Variants in KBTBD11 observed in about 807,000 individuals in gnomAD.
KBTBD11 encodes kelch repeat and BTB domain-containing protein 11.
For missense variants in KBTBD11, 1,390 were observed against 1,001.8 expected (o/e 1.39, Z -5.23); for synonymous variants, 747 against 499.0 (o/e 1.50, Z -6.63).
At chr8:1,984,062 A>G (rs1025321257) in intron 1 of KBTBD11, among the ~76,000 whole-genome samples, 2 of 152,188 alleles carry the variant, frequency 1.3e-5, no homozygotes, top group Middle Eastern at 3.2e-3. Context: ...CCTGGGTGGT[A>G]GAGGTTGCAG....
chr8:1,993,174 T>A (rs961812358), intron 1 of KBTBD11, among the ~76,000 whole-genome samples: 2 of 152,026 alleles, frequency 1.3e-5, no homozygotes, highest in African/African-American at 4.8e-5. Flanking sequence ...CTCGAACTCC[T>A]TACCTCAGGT....
chr8:1,973,907 C>G lies in KBTBD11; in HGVS notation c.-937C>G, dbSNP rs1816210691. On this transcript the variant is annotated 5_prime_UTR_variant, in exon 1 of 2. Transcript: ENST00000320248. ...CACCCGCCTGGCTGCGCGTCCCGGGCCCGGCGGCTGAAGAGGAGCCGCGGC... is the reference window on the plus strand; with the variant it reads ...CACCCGCCTGGCTGCGCGTCCCGGGGCCGGCGGCTGAAGAGGAGCCGCGGC... The G allele has an allele frequency of 1.0e-6, 1 of 982,932 alleles. No homozygotes were observed. Among genetic ancestry groups the G allele is most frequent in the South Asian group, 4.7e-5 (1 of 21,266 alleles). 60.9% of individuals were successfully genotyped at this position (982,932 alleles called of 1,614,324 possible).
At chr8:1,977,660 A>G (rs1816394661) in intron 1 of KBTBD11, among the ~76,000 whole-genome samples, 1 of 151,186 alleles carries the variant, frequency 6.6e-6, no homozygotes, top group Admixed American at 6.6e-5. Context: ...AGTAGCTGGG[A>G]TTACAGGCGC....
intron 1 of KBTBD11, 45 bp downstream of exon 1, chr8:1,973,980 A>G: frequency 2.1e-6 from 2 of 959,840 alleles, no homozygotes; most frequent in South Asian, 4.9e-5. Context: ...TGGCGGGCGG[A>G]GCGGGAAGCA....
chr8:1,976,993 C>T (rs1816368930), intron 1 of KBTBD11, among the ~76,000 whole-genome samples: 1 of 152,230 alleles, frequency 6.6e-6, no homozygotes, highest in Non-Finnish European at 1.5e-5. Flanking sequence ...GCAAGGTCCT[C>T]CAACCCATGG....
rs553154802 is a variant in KBTBD11, at chr8:2,002,982, C to A, written c.1790C>A (p.Pro597His). 1.5e-6 allele frequency: 2 copies of A among 1,310,028 alleles called. No homozygotes were observed. Among genetic ancestry groups the A allele is most frequent in the East Asian group, 3.1e-5 (1 of 31,972 alleles). 81.2% of individuals were successfully genotyped at this position (1,310,028 alleles called of 1,614,324 possible). The change falls in exon 2 of 2, where the codon CCC becomes CAC. Residue 597 changes from proline (P) to histidine (H), a missense_variant. Transcript: ENST00000320248. This position sits in a 1 kb window ranked among gnomAD's most constrained non-coding sequence, Gnocchi z 4.1. ...QGGGFEALGA[P>H]LDVRGVLIPF... ...GGCGGCTTCGAGGCGCTGGGCGCCC[C>A]CTTGGACGTCCGGGGTGTGCTCATC...
chr8:2,002,310 A>G lies in KBTBD11; in HGVS notation c.1118A>G (p.Asp373Gly). 7.5e-7 allele frequency: 1 copy of G among 1,333,740 alleles called. No individual in the cohort carries two copies. Among genetic ancestry groups the G allele is most frequent in the Admixed American group, 4.1e-5 (1 of 24,376 alleles). The allele number at this position is 1,333,740 out of a possible 1,614,324, so 82.6% of individuals were successfully genotyped here. ...VAGGVAPAGP[D>G]GRARPSDQVF... ...GGCGGCGTGGCGCCCGCGGGCCCCG[A>G]CGGCCGCGCGCGCCCGTCCGACCAG... Residue 373 changes from aspartate to glycine, a missense_variant, in exon 2 of 2, where the codon GAC becomes GGC. Coordinates refer to ENST00000320248, the MANE Select transcript of KBTBD11 (RefSeq NM_014867.3). The surrounding 1 kb of genome is among the most constrained non-coding windows in gnomAD (Gnocchi z 4.1).
rs1319203483 is a variant in KBTBD11 at position 2,004,057 on chromosome 8, G to C, written c.*993G>C. The C allele has an allele frequency of 6.0e-6, 1 of 166,878 alleles. No individual in the cohort carries two copies. The highest frequency in any genetic ancestry group is 2.4e-5 in the African/African-American group (1 of 41,462). The allele number at this position is 166,878 out of a possible 1,614,324, so 10.3% of individuals were successfully genotyped here. A position where few individuals can be genotyped will look rare whatever the true frequency, so the allele number is the denominator to read the frequency against. On this transcript the variant is annotated 3_prime_UTR_variant, in exon 2 of 2. Coordinates refer to ENST00000320248, the MANE Select transcript of KBTBD11 (RefSeq NM_014867.3). ...CCACTGTATATGATGTTTTCAATGTGGATCGTGTAGTTCTGATGAGGGAGA... is the reference window on the plus strand; with the variant it reads ...CCACTGTATATGATGTTTTCAATGTCGATCGTGTAGTTCTGATGAGGGAGA...
At chr8:1,993,409 C>A (rs1339040663) in intron 1 of KBTBD11, among the ~76,000 whole-genome samples, 68 of 95,728 alleles carry the variant, frequency 7.1e-4, no homozygotes, top group African/African-American at 2.0e-3. Flanking sequence ...ATCCATCCAT[C>A]CATCCATCCA....
In KBTBD11 at chr8:2,002,860, C is replaced by A. The variant is rs1817445379; in HGVS notation, c.1668C>A (p.Ala556=). 1.5e-6 allele frequency: 2 copies of A among 1,371,202 alleles called. No homozygotes were observed. The highest frequency in any genetic ancestry group is 1.9e-6 in the Non-Finnish European group (2 of 1,071,174). The allele number at this position is 1,371,202 out of a possible 1,614,324, so 84.9% of individuals were successfully genotyped here. A position where few individuals can be genotyped will look rare whatever the true frequency, so the allele number is the denominator to read the frequency against. ...GPTGLQPFRC[A]ALDGAIYCVS... ...CGGGCCTGCAGCCCTTCCGCTGCGC[C>A]GCCCTGGACGGCGCCATCTACTGCG... is the stretch of plus-strand genomic sequence containing the variant. Residue 556 remains alanine (A), a synonymous_variant, in exon 2 of 2, where the codon GCC becomes GCA. Coordinates refer to ENST00000320248, the MANE Select transcript of KBTBD11 (RefSeq NM_014867.3). The surrounding 1 kb of genome is among the most constrained non-coding windows in gnomAD (Gnocchi z 4.1).
chr8:1,996,040 A>G (rs1179663778), intron 1 of KBTBD11, among the ~76,000 whole-genome samples: 1 of 152,102 alleles, frequency 6.6e-6, no homozygotes, highest in Non-Finnish European at 1.5e-5. Flanking sequence ...CAAACAAACA[A>G]AAATCCTGAG....
chr8:1,995,602 G>C (rs887682217), intron 1 of KBTBD11, among the ~76,000 whole-genome samples: 10 of 152,100 alleles, frequency 6.6e-5, no homozygotes, highest in African/African-American at 1.7e-4. Flanking sequence ...CTCCCTTCTT[G>C]CTTCACCCAC....
chr8:1,980,362 G>A (rs1025840018), intron 1 of KBTBD11, among the ~76,000 whole-genome samples: 3 of 151,698 alleles, frequency 2.0e-5, no homozygotes, highest in Non-Finnish European at 4.4e-5. Context: ...GAGTAGCTGG[G>A]ATTACAAGCA....
intron 1 of KBTBD11, among the ~76,000 whole-genome samples, chr8:1,990,355 C>A (rs1301961463): frequency 1.4e-5 from 2 of 143,336 alleles, no homozygotes; most frequent in Admixed American, 6.9e-5. Context: ...TGGGCCTTGG[C>A]GCCCTGTCCG....
At chr8:1,992,664 A>G (rs1293110946) in intron 1 of KBTBD11, among the ~76,000 whole-genome samples, 2 of 151,918 alleles carry the variant, frequency 1.3e-5, no homozygotes, top group Non-Finnish European at 2.9e-5. Context: ...TTCTTTCTAT[A>G]TCTTAAGACT....
intron 1 of KBTBD11, among the ~76,000 whole-genome samples, chr8:1,981,998 C>G (rs972431541): frequency 3.9e-5 from 6 of 152,176 alleles, no homozygotes; most frequent in Admixed American, 1.3e-4. Context: ...ATCTACCGGT[C>G]TATCTAGCCT....
Position 2,002,275 on chromosome 8 carries a change from C to G in KBTBD11, c.1083C>G (p.Leu361=). The change falls in exon 2 of 2, where the codon CTC becomes CTG. Residue 361 remains leucine (L), a synonymous_variant. Transcript: ENST00000320248. The surrounding 1 kb of genome is among the most constrained non-coding windows in gnomAD (Gnocchi z 4.1). ...GCCTGTGCGTCCTCTACAACTACCT[C>G]TTCGTGGCGGGCGGCGTGGCGCCCG... ...GCGLCVLYNY[L]FVAGGVAPAG... is the part of the protein sequence containing the mutation. 2.3e-6 allele frequency: 3 copies of G among 1,325,938 alleles called. No homozygotes were observed. The highest frequency in any genetic ancestry group is 2.9e-6 in the Non-Finnish European group (3 of 1,046,656). The allele number at this position is 1,325,938 out of a possible 1,614,324, so 82.1% of individuals were successfully genotyped here.
chr8:2,001,235 G>A lies in KBTBD11; in HGVS notation c.43G>A (p.Glu15Lys), dbSNP rs774812307. The change falls in exon 2 of 2, where the codon GAG (glutamate) becomes AAG (lysine). Residue 15 changes from glutamate (E) to lysine (K), a missense_variant. Physicochemically the swap from Glu to Lys is moderately conservative, Grantham distance 56. Coordinates refer to ENST00000320248, the MANE Select transcript of KBTBD11 (RefSeq NM_014867.3). ...CCCCTGCGTCCTCTACCCAGGGACT[G>A]AGCCCGGGGCTGCCGGGGAGAGCGA... ...VAPCVLYPGT[E>K]PGAAGESESE... The A allele has an allele frequency of 6.8e-7, 1 of 1,480,928 alleles. No homozygotes were observed. Among genetic ancestry groups the A allele is most frequent in the East Asian group, 2.8e-5 (1 of 36,136 alleles). 91.7% of individuals were successfully genotyped at this position (1,480,928 alleles called of 1,614,324 possible).
Position 2,002,166 on chromosome 8 carries a change from CG to C in KBTBD11, c.976del (p.Ala326ProfsTer15). 8.3e-7 allele frequency: 1 copy of C among 1,205,678 alleles called. No homozygotes were observed. The highest frequency in any genetic ancestry group is 3.4e-5 in the South Asian group (1 of 29,176). 74.7% of individuals were successfully genotyped at this position (1,205,678 alleles called of 1,614,324 possible). A position where few individuals can be genotyped will look rare whatever the true frequency, so the allele number is the denominator to read the frequency against. On this transcript the variant is annotated frameshift_variant, in exon 2 of 2. Coordinates refer to ENST00000320248, the MANE Select transcript of KBTBD11 (RefSeq NM_014867.3). LOFTEE classifies it low-confidence loss of function (END_TRUNC). The surrounding 1 kb of genome is among the most constrained non-coding windows in gnomAD (Gnocchi z 4.1). ...PSGDADARGDAAVYCFHAAAG... is the reference protein window; with the variant it reads ...PSGDADARGDXAVYCFHAAAG... ...GGGGACGCGGACGCGCGCGGGGACG[CG>C]GCCGTCTACTGCTTCCACGCGGCGG... is the stretch of plus-strand genomic sequence containing the variant.
Sources: gnomAD v4.1 joint callset for allele counts (sites outside exome capture counted in the v4.1 genomes callset) on GRCh38, gnomAD v4.1.1 for gene constraint, Gnocchi (gnomAD v3.1) non-coding constraint, MANE v1.5 for transcripts, NCBI Gene and HGNC (gene_info 2026-07-23, HGNC 2026-07-21) for gene names.